SUGP2: variants seen among roughly 807,000 people sequenced by gnomAD.
The protein encoded by SUGP2 is SURP and G-patch domain containing 2, also known as SURP and G-patch domain-containing protein 2.
SUGP2 carries 24 observed loss-of-function variants against 90.5 expected under a neutral mutation model. That is an observed-to-expected ratio of 0.27 (90% CI 0.19 to 0.37). The LOEUF (loss-of-function observed/expected upper bound fraction) is 0.37. SUGP2 is among the 10% of genes least tolerant of loss of function. The pLI is 1.00. For missense variants in SUGP2, 1,233 were observed against 1,363.3 expected (o/e 0.90, Z 1.51); for synonymous variants, 473 against 513.4 (o/e 0.92, Z 1.06).
intron 3 of SUGP2, among the ~76,000 whole-genome samples, chr19:19,023,500 G>A (rs984328859): frequency 6.6e-5 from 10 of 152,110 alleles, no homozygotes; most frequent in Admixed American, 6.6e-4. Flanking sequence ...GCTCACAAGT[G>A]ACTGGTCTTT....
Position 19,013,738 on chromosome 19 carries a change from G to A in SUGP2, c.1851-3396C>T, listed in dbSNP as rs979336737. On this transcript the variant is annotated intron_variant, in intron 4 of 10. Transcript: ENST00000452918. Reference sequence around the variant, plus strand: ...GATTCTTAGCCACTTGTTTTCCTGAGTGTGTGAACACGTAGGACCTGGTGG... The same window carrying A: ...GATTCTTAGCCACTTGTTTTCCTGAATGTGTGAACACGTAGGACCTGGTGG... Among the ~76,000 whole-genome samples, 6 of 152,320 alleles carry A rather than the reference G, an allele frequency of 3.9e-5. No individual in the cohort carries two copies. In the East Asian group the frequency reaches 5.8e-4, roughly 15 times the overall value.
Position 19,031,094 on chromosome 19 carries a change from G to A in SUGP2, c.-11-12C>T. On this transcript the variant is annotated splice_polypyrimidine_tract_variant and intron_variant, in intron 1 of 10. Coordinates refer to ENST00000452918, the MANE Select transcript of SUGP2 (RefSeq NM_001017392.5). The stretch of plus-strand genomic sequence containing the variant: ...CATGTTATTTTGCCCTATGGTGAGA[G>A]AGAAAAAAATACACTAAGAGCAACA... 4 of 1,604,358 alleles carry A rather than the reference G, an allele frequency of 2.5e-6. No homozygotes were observed. Among genetic ancestry groups the A allele is most frequent in the Non-Finnish European group, 3.4e-6 (4 of 1,177,220 alleles).
chr19:19,022,632 G>A (rs1404640232), intron 3 of SUGP2, among the ~76,000 whole-genome samples: 1 of 152,192 alleles, frequency 6.6e-6, no homozygotes, highest in African/African-American at 2.4e-5. Context: ...GACTGTGGGA[G>A]GGTAAGTGGG....
chr19:19,022,186 G>A (rs576255535), intron 3 of SUGP2, among the ~76,000 whole-genome samples: 7 of 152,046 alleles, frequency 4.6e-5, no homozygotes, highest in Admixed American at 2.0e-4. Flanking sequence ...GGGTTTCACC[G>A]TGTTAGCCAG....
At position 19,025,641 on chromosome 19, in the gene SUGP2, G is replaced by A; in HGVS notation, c.707C>T (p.Thr236Ile). The A allele has an allele frequency of 6.2e-7, 1 of 1,614,010 alleles. No individual in the cohort carries two copies. The highest frequency in any genetic ancestry group is 8.5e-7 in the Non-Finnish European group (1 of 1,180,002). Residue 236 changes from threonine to isoleucine, a missense_variant, in exon 3 of 11, where the codon ACA becomes ATA. Physicochemically the swap from Thr to Ile is moderately conservative, Grantham distance 89. Coordinates refer to ENST00000452918, the MANE Select transcript of SUGP2 (RefSeq NM_001017392.5). ...AAGTTTCCCAACACCCCCCTTAGCTGTGAGCAGGCCCTGAGTCTCCCCCTT... is the reference window on the plus strand; with the variant it reads ...AAGTTTCCCAACACCCCCCTTAGCTATGAGCAGGCCCTGAGTCTCCCCCTT... The part of the protein sequence containing the change: ...LGKGETQGLL[T>I]AKGGVGKLVT...
At chr19:19,024,525 G>T in intron 3 of SUGP2, 94 bp downstream of exon 3, 1 of 1,412,434 alleles carries the variant, frequency 7.1e-7, no homozygotes, top group Non-Finnish European at 9.5e-7. Flanking sequence ...TTTCCAATTG[G>T]CTAAAGAACT....
At chr19:18,994,278 G>T in intron 10 of SUGP2, 88 bp downstream of exon 10, 1 of 1,534,340 alleles carries the variant, frequency 6.5e-7, no homozygotes, top group Non-Finnish European at 8.9e-7. Flanking sequence ...GGGGGAGCAG[G>T]GAACATCAAC....
intron 4 of SUGP2, among the ~76,000 whole-genome samples, chr19:19,018,634 C>A (rs1205488185): frequency 7.4e-6 from 1 of 134,814 alleles, no homozygotes; most frequent in East Asian, 2.2e-4. Context: ...TTGCGGTGAG[C>A]CGAGATAGCG....
chr19:19,026,296 T>C, intron 2 of SUGP2, 70 bp from the exon 3 acceptor site: 1 of 1,416,038 alleles, frequency 7.1e-7, no homozygotes, highest in Non-Finnish European at 9.3e-7. Context: ...ATGCAAACAG[T>C]GCAAACAAAC....
intron 1 of SUGP2, among the ~76,000 whole-genome samples, chr19:19,031,505 G>A (rs545525054): frequency 1.3e-5 from 2 of 150,096 alleles, no homozygotes; most frequent in African/African-American, 4.9e-5. Flanking sequence ...CTGCACTCCA[G>A]CATGGGTAAC....
At chr19:18,996,322 G>T (rs1002387383) in intron 8 of SUGP2, among the ~76,000 whole-genome samples, 1 of 152,192 alleles carries the variant, frequency 6.6e-6, no homozygotes, top group African/African-American at 2.4e-5. Flanking sequence ...CCTGAACCTG[G>T]GAGGCAGAGG....
At chr19:19,004,764 T>C in intron 6 of SUGP2, 118 bp from the exon 7 acceptor site, 1 of 807,522 alleles carries the variant, frequency 1.2e-6, no homozygotes, top group Non-Finnish European at 1.9e-6. Context: ...AAGAATAACC[T>C]GACCAGTCTC....
intron 8 of SUGP2, 69 bp from the exon 9 acceptor site, chr19:18,995,349 C>CCTG: frequency 6.8e-7 from 1 of 1,479,862 alleles, no homozygotes; most frequent in South Asian, 1.4e-5. Context: ...CTGTCCTAGG[C>CCTG]TATGCCTGGA....
At chr19:19,020,100 T>C (rs2145626449) in intron 3 of SUGP2, among the ~76,000 whole-genome samples, 1 of 149,596 alleles carries the variant, frequency 6.7e-6, no homozygotes, top group Admixed American at 6.6e-5. Context: ...TGATCCCAAA[T>C]TACATGTTCA....
In SUGP2 at chr19:19,006,887, G is replaced by A. The variant is rs573575146; in HGVS notation, c.2450+1430C>T. ...CGGAGGGGAGTAGGGCTTGGCTTGT[G>A]CAATCAGGTCCCAAGCAAGTTGAAA... is the stretch of plus-strand genomic sequence containing the variant. On this transcript the variant is annotated intron_variant, in intron 6 of 10. Coordinates refer to ENST00000452918, the MANE Select transcript of SUGP2 (RefSeq NM_001017392.5). Among the ~76,000 whole-genome samples, 5 of 152,322 alleles carry A rather than the reference G, an allele frequency of 3.3e-5. No homozygotes were observed. In the East Asian group the frequency reaches 9.7e-4, roughly 29 times the overall value.
chr19:18,998,720 C>T (rs998895705), intron 8 of SUGP2, among the ~76,000 whole-genome samples: 16 of 151,462 alleles, frequency 1.1e-4, no homozygotes, highest in Admixed American at 7.3e-4. Context: ...CTTGGTGAGG[C>T]GGTGTGGGCA....
intron 3 of SUGP2, among the ~76,000 whole-genome samples, 188 bp from the exon 4 acceptor site, chr19:19,019,417 T>C (rs548415113): frequency 7.2e-5 from 11 of 152,220 alleles, no homozygotes; most frequent in African/African-American, 2.6e-4. Flanking sequence ...TCCTAAAAAA[T>C]GTAACAGTAT....
chr19:19,027,740 C>T lies in SUGP2; in HGVS notation c.122-1514G>A, dbSNP rs143788787. On this transcript the variant is annotated intron_variant, in intron 2 of 10. Coordinates refer to ENST00000452918, the MANE Select transcript of SUGP2 (RefSeq NM_001017392.5). Reference sequence around the variant, plus strand: ...GCAACCTCCACCTCCCAGGTTCAAGCGATTCTCCTGCCTCCGCCTCCTGAG... The same window carrying T: ...GCAACCTCCACCTCCCAGGTTCAAGTGATTCTCCTGCCTCCGCCTCCTGAG... 3.1e-3 allele frequency among the ~76,000 whole-genome samples: 466 copies of T among 152,042 alleles called. 15 individuals carry two copies. In the East Asian group the frequency reaches 0.07, roughly 23 times the overall value.
chr19:19,012,114 C>G (rs1035305477), intron 4 of SUGP2, among the ~76,000 whole-genome samples: 1 of 152,216 alleles, frequency 6.6e-6, no homozygotes, highest in Non-Finnish European at 1.5e-5. Flanking sequence ...TACACAAGCT[C>G]CTGCTGACAC....
Sources: allele counts gnomAD v4.1 joint callset (sites outside exome capture counted in the v4.1 genomes callset), GRCh38; gene constraint gnomAD v4.1.1; transcripts MANE v1.5; gene names NCBI Gene and HGNC (gene_info 2026-07-23, HGNC 2026-07-21).